Variants in MGAM observed in about 807,000 individuals in gnomAD.
MGAM encodes the protein alpha-1,4-glucosidase.
Under a neutral mutation model 358.8 loss-of-function variants are expected in MGAM, and 253 were observed. The observed-to-expected ratio is 0.71, with a 90% CI of 0.64 to 0.78. The LOEUF (loss-of-function observed/expected upper bound fraction) is 0.78, where lower values mean the gene tolerates loss of function less well. Ranked by LOEUF, MGAM falls within the 30% of genes least tolerant of loss-of-function variation. The pLI, the probability that MGAM is intolerant of heterozygous loss-of-function variation, is 0.00. For missense variants in MGAM, 3,080 were observed against 3,432.6 expected (o/e 0.90, Z 2.57); for synonymous variants, 1,105 against 1,227.1 (o/e 0.90, Z 2.08).
Position 142,074,093 on chromosome 7 carries a change from AC to A in MGAM, c.5198del (p.Pro1733LeufsTer8), listed in dbSNP as rs1178100990. ...AATCTTGTTCCCCACAGTCGAAAGAACCCTCTTGGTCTTATTATTGCCCTAG... is the reference window on the plus strand; with the variant it reads ...AATCTTGTTCCCCACAGTCGAAAGAACCTCTTGGTCTTATTATTGCCCTAG... The part of the protein sequence containing the change: ...PALNTHLSRK[N>X]PLGLIIALDE... On this transcript the variant is annotated frameshift_variant, in exon 45 of 71. Coordinates refer to ENST00000475668, the MANE Select transcript of MGAM (RefSeq NM_001365693.1). LOFTEE classifies it high-confidence loss of function. 1 of 1,538,996 alleles carries A rather than the reference AC, an allele frequency of 6.5e-7. No homozygotes were observed. Among genetic ancestry groups the A allele is most frequent in the Non-Finnish European group, 8.9e-7 (1 of 1,120,840 alleles).
chr7:142,008,553 A>G lies in MGAM; in HGVS notation c.175A>G (p.Thr59Ala). The change falls in exon 3 of 71, where the codon ACC becomes GCC. Residue 59 changes from threonine to alanine, a missense_variant. Thr to Ala is a moderately conservative substitution (Grantham distance 58, BLOSUM62 0). Around this residue, in one of 5 missense-constraint regions of MGAM, gnomAD observed 1,816 missense variants for 1,840.5 expected, o/e 0.99. Coordinates refer to ENST00000475668, the MANE Select transcript of MGAM (RefSeq NM_001365693.1). ...TACCCCAGATCCTGGGACAACTGGT[A>G]CCCCAGATCCTGGAACAACTGGTAC... is the stretch of plus-strand genomic sequence containing the variant. Reference protein sequence around the residue: ...TGTPDPGTTGTPDPGTTGTTH... With the variant: ...TGTPDPGTTGAPDPGTTGTTH... The G allele has an allele frequency of 6.2e-7, 1 of 1,612,714 alleles. No homozygotes were observed. The highest frequency in any genetic ancestry group is 8.5e-7 in the Non-Finnish European group (1 of 1,179,316).
At chr7:142,094,891 T>C (rs914786433) in intron 63 of MGAM, 28 bp downstream of exon 63, 21 of 1,605,628 alleles carry the variant, frequency 1.3e-5, no homozygotes, top group Non-Finnish European at 1.6e-5. Flanking sequence ...ACCTCCAGTG[T>C]TTCACTTGAA....
chr7:142,058,521 A>G (rs1318559142), intron 31 of MGAM, among the ~76,000 whole-genome samples, 193 bp downstream of exon 31: 1 of 152,234 alleles, frequency 6.6e-6, no homozygotes, highest in Non-Finnish European at 1.5e-5. Context: ...ATGACAGCTC[A>G]AGACCCAGCA....
chr7:142,040,327 T>G (rs1430839636), intron 20 of MGAM, 156 bp downstream of exon 20: 14 of 645,984 alleles, frequency 2.2e-5, no homozygotes. Flanking sequence ...AAAGTTAACC[T>G]AAACCGTTAA....
At position 142,083,203 on chromosome 7, in the gene MGAM, G is replaced by A. The variant is rs1468158163; in HGVS notation, c.6269-98G>A. ...AAAATACTGGCTCTTACTACTCTACGATAGGGAGGGTGCAGGAAATAGAGA... is the reference window on the plus strand; with the variant it reads ...AAAATACTGGCTCTTACTACTCTACAATAGGGAGGGTGCAGGAAATAGAGA... On this transcript the variant is annotated intron_variant, in intron 52 of 70. Coordinates refer to ENST00000475668, the MANE Select transcript of MGAM (RefSeq NM_001365693.1). The A allele has an allele frequency of 7.7e-5, 74 of 964,302 alleles. 4 individuals carry two copies. The South Asian group carries it at 8.1e-4, about 10-fold the overall frequency. The allele number at this position is 964,302 out of a possible 1,614,324, so 59.7% of individuals were successfully genotyped here.
Position 142,076,707 on chromosome 7 carries a change from A to T in MGAM, c.5374A>T (p.Asn1792Tyr), listed in dbSNP as rs1243919610. The T allele has an allele frequency of 6.4e-7, 1 of 1,552,642 alleles. No homozygotes were observed. Among genetic ancestry groups the T allele is most frequent in the Non-Finnish European group, 8.9e-7 (1 of 1,129,554 alleles). Residue 1792 changes from asparagine to tyrosine, a missense_variant, in exon 47 of 71, where the codon AAT becomes TAT. Coordinates refer to ENST00000475668, the MANE Select transcript of MGAM (RefSeq NM_001365693.1). ...ISQSTYKDPN[N>Y]LAFNEIKILG... Reference sequence around the variant, plus strand: ...ACAATCAACCTACAAGGACCCCAATAATTTAGCATTCAATGAGATTAAAAT... The same window carrying T: ...ACAATCAACCTACAAGGACCCCAATTATTTAGCATTCAATGAGATTAAAAT...
chr7:142,021,138 C>T (rs914906418), intron 5 of MGAM, 55 bp downstream of exon 5: 80 of 1,267,510 alleles, frequency 6.3e-5, no homozygotes, highest in Non-Finnish European at 7.9e-5. Context: ...TATTCCCTAT[C>T]GGATGAGTGC....
intron 3 of MGAM, among the ~76,000 whole-genome samples, chr7:142,012,111 T>C (rs1030970597): frequency 6.6e-6 from 1 of 152,210 alleles, no homozygotes; most frequent in African/African-American, 2.4e-5. Context: ...AAATTCCTGC[T>C]CTATTTGAAG....
chr7:142,034,574 T>A, intron 15 of MGAM, 96 bp from the exon 16 acceptor site: 1 of 1,154,098 alleles, frequency 8.7e-7, no homozygotes, highest in South Asian at 1.5e-5. Flanking sequence ...GAGAATGGGT[T>A]ATTCACTTTT....
At chr7:142,042,754 A>C (rs1449480119) in intron 21 of MGAM, among the ~76,000 whole-genome samples, 1 of 78,296 alleles carries the variant, frequency 1.3e-5, no homozygotes, top group African/African-American at 5.2e-5. Context: ...TGAATATAAT[A>C]TATATATTAT....
intron 27 of MGAM, among the ~76,000 whole-genome samples, chr7:142,055,298 G>A (rs1210783776): frequency 6.6e-6 from 1 of 152,186 alleles, no homozygotes; most frequent in Non-Finnish European, 1.5e-5. Context: ...CAGCTGTGAT[G>A]ATGAGGGGTG....
chr7:142,045,109 C>T lies in MGAM; in HGVS notation c.2499-2676C>T, dbSNP rs1199081310. On this transcript the variant is annotated intron_variant, in intron 21 of 70. Coordinates refer to ENST00000475668, the MANE Select transcript of MGAM (RefSeq NM_001365693.1). ...ATATATAATATGTATATTATATATA[C>T]GTGCAATATATGATATATAATATGT... Among the ~76,000 whole-genome samples, 5 of 49,106 alleles carry T rather than the reference C, an allele frequency of 1.0e-4. No individual in the cohort carries two copies. The East Asian group carries it at 2.7e-3, about 27-fold the overall frequency. The allele number at this position is 49,106 out of a possible 152,430, so 32.2% of individuals were successfully genotyped here.
At position 142,062,568 on chromosome 7, in the gene MGAM, C is replaced by G. The variant is rs752830042; in HGVS notation, c.4123C>G (p.Leu1375Val). The G allele has an allele frequency of 1.3e-5, 20 of 1,571,664 alleles. No individual in the cohort carries two copies. Among genetic ancestry groups the G allele is most frequent in the Non-Finnish European group, 1.7e-5 (20 of 1,161,320 alleles). Reference protein sequence around the residue: ...GSLDWDSQVELYRAYVAFPDF... With the variant: ...GSLDWDSQVEVYRAYVAFPDF... The stretch of plus-strand genomic sequence containing the variant: ...AAGAAATTATATTTCTTTTTTATAG[C>G]TATATCGAGCTTATGTGGCCTTCCC... The change falls in exon 35 of 71, where the codon CTA (leucine) becomes GTA (valine). Residue 1375 changes from leucine (L) to valine (V), a missense_variant and splice_region_variant. This residue lies in a region of MGAM where 1,816 missense variants were observed against 1,840.5 expected (regional missense o/e 0.99). Coordinates refer to ENST00000475668, the MANE Select transcript of MGAM (RefSeq NM_001365693.1).
Position 142,088,431 on chromosome 7 carries a change from A to G in MGAM, c.6810+1714A>G, listed in dbSNP as rs542783771. Among the ~76,000 whole-genome samples, 25 of 134,984 alleles carry G rather than the reference A, an allele frequency of 1.9e-4. 1 individual carries two copies. In the East Asian group the frequency reaches 3.1e-3, roughly 17 times the overall value. 88.6% of individuals were successfully genotyped at this position (134,984 alleles called of 152,430 possible). ...TCTATCTATCTATGTATATCCATGT[A>G]CCCATCTATGTATGTATGTATGTAT... is the stretch of plus-strand genomic sequence containing the variant. On this transcript the variant is annotated intron_variant, in intron 57 of 70. Transcript: ENST00000475668.
rs1208470372 is a variant in MGAM, at chr7:142,106,293, C to A, written c.*402C>A. The A allele has an allele frequency of 1.3e-5, 2 of 155,096 alleles. No individual in the cohort carries two copies. The highest frequency in any genetic ancestry group is 4.8e-5 in the African/African-American group (2 of 41,484). The allele number at this position is 155,096 out of a possible 1,614,324, so 9.6% of individuals were successfully genotyped here. A position where few individuals can be genotyped will look rare whatever the true frequency, so the allele number is the denominator to read the frequency against. ...AGTTCCAGGTCTTGAAGCTAATCAGCATCTCAAGAAAGTATCCAGAAAGAA... is the reference window on the plus strand; with the variant it reads ...AGTTCCAGGTCTTGAAGCTAATCAGAATCTCAAGAAAGTATCCAGAAAGAA... On this transcript the variant is annotated 3_prime_UTR_variant, in exon 71 of 71. Transcript: ENST00000475668.
At chr7:142,048,994 C>G (rs1457429540) in intron 22 of MGAM, among the ~76,000 whole-genome samples, 1 of 151,996 alleles carries the variant, frequency 6.6e-6, no homozygotes, top group Non-Finnish European at 1.5e-5. Context: ...AAATTTGTAC[C>G]CTTGACCATC....
At chr7:142,088,827 A>ATCTATCTATCTG (rs1341301304) in intron 57 of MGAM, among the ~76,000 whole-genome samples, 4 of 66,814 alleles carry the variant, frequency 6.0e-5, no homozygotes, top group African/African-American at 1.7e-4. Context: ...TGTACCATCT[A>ATCTATCTATCTG]TCTATCTATC....
At chr7:142,047,146 A>T (rs772437901) in intron 21 of MGAM, among the ~76,000 whole-genome samples, 5 of 152,132 alleles carry the variant, frequency 3.3e-5, no homozygotes, top group South Asian at 2.1e-4. Flanking sequence ...GAATGAGGAG[A>T]GACTCCAAAT....
chr7:142,056,123 T>C (rs1196598276), intron 29 of MGAM, 27 bp downstream of exon 29: 15 of 1,569,472 alleles, frequency 9.6e-6, no homozygotes, highest in Middle Eastern at 3.3e-4. Context: ...CTCCCTTATT[T>C]TGGGGGGATA....
Sources: allele counts gnomAD v4.1 joint callset (sites outside exome capture counted in the v4.1 genomes callset), GRCh38; gene constraint gnomAD v4.1.1; regional missense constraint gnomAD v4.1.1; transcripts MANE v1.5; gene names NCBI Gene and HGNC (gene_info 2026-07-23, HGNC 2026-07-21).